Variants in PATJ observed in about 807,000 individuals in gnomAD.
PATJ encodes inaD-like protein.
PATJ carries 190 observed loss-of-function variants against 224.9 expected under a neutral mutation model. That is an observed-to-expected ratio of 0.84 (90% CI 0.75 to 0.95). PATJ has a LOEUF of 0.95. Among genes scored for constraint, PATJ ranks in the 40% least tolerant of loss-of-function variants. The probability of loss-of-function intolerance (pLI) is 0.00; values close to 1 mark genes in which losing one functional copy is unlikely to be tolerated. For missense variants in PATJ, 2,121 were observed against 2,270.3 expected (o/e 0.93, Z 1.34); for synonymous variants, 769 against 820.3 (o/e 0.94, Z 1.07).
chr1:61,796,658 TTTTC>T lies in PATJ; in HGVS notation c.1261-565_1261-562del, dbSNP rs202216894. Among the ~76,000 whole-genome samples the T allele has an allele frequency of 3.4e-3, 355 of 103,442 alleles. 2 individuals are homozygous for T. The highest frequency in any genetic ancestry group is 6.0e-3 in the African/African-American group (185 of 30,928). The allele number at this position is 103,442 out of a possible 152,430, so 67.9% of individuals were successfully genotyped here. A position where few individuals can be genotyped will look rare whatever the true frequency, so the allele number is the denominator to read the frequency against. ...AAATATATCCTAAGGTCTAAATTTA[TTTTC>T]TTTCTTTCTTTCTTTCTTTCTTTCT... On this transcript the variant is annotated intron_variant, in intron 10 of 43. Coordinates refer to ENST00000642238, the MANE Select transcript of PATJ (RefSeq NM_001350145.3).
intron 33 of PATJ, chr1:62,100,210 C>G: frequency 1.8e-6 from 1 of 555,374 alleles, no homozygotes; most frequent in Non-Finnish European, 3.3e-6. Context: ...TTGTGTGTCA[C>G]TATTATTTTA....
At chr1:62,094,870 A>C (rs146167710) in intron 33 of PATJ, among the ~76,000 whole-genome samples, 1 of 152,330 alleles carries the variant, frequency 6.6e-6, no homozygotes, top group East Asian at 1.9e-4. Flanking sequence ...GTAAGGGTCA[A>C]CTGAAGTCTG....
chr1:62,143,958 A>C (rs887610608), intron 41 of PATJ, among the ~76,000 whole-genome samples: 7 of 152,078 alleles, frequency 4.6e-5, no homozygotes, highest in Admixed American at 1.3e-4. Flanking sequence ...TGGGGATGGA[A>C]GCTGGAGTGG....
At chr1:62,041,695 A>G (rs1441357555) in intron 30 of PATJ, among the ~76,000 whole-genome samples, 2 of 152,374 alleles carry the variant, frequency 1.3e-5, no homozygotes, top group East Asian at 3.9e-4. Flanking sequence ...TAAAACAAGC[A>G]GGCTAGTATG....
Position 61,914,637 on chromosome 1 carries a change from C to T in PATJ, c.3543C>T (p.Asn1181=), listed in dbSNP as rs533486947. The part of the protein sequence containing the change: ...NKANKITGNQ[N]QDTQEKKEKR... ...CCAACAAAATCACCGGTAACCAGAA[C>T]CAGGACACCCAAGAAAAGAAAGAAA... Residue 1181 remains asparagine, a synonymous_variant, in exon 26 of 44, where the codon AAC becomes AAT. Coordinates refer to ENST00000642238, the MANE Select transcript of PATJ (RefSeq NM_001350145.3). The T allele has an allele frequency of 2.5e-6, 4 of 1,576,198 alleles. No homozygotes were observed. The highest frequency in any genetic ancestry group is 3.5e-6 in the Non-Finnish European group (4 of 1,146,898).
chr1:62,042,734 A>G (rs541400605), intron 30 of PATJ, among the ~76,000 whole-genome samples: 1 of 152,152 alleles, frequency 6.6e-6, no homozygotes, highest in South Asian at 2.1e-4. Flanking sequence ...ACAGCCTCAA[A>G]CTCCTGGGCT....
intron 41 of PATJ, among the ~76,000 whole-genome samples, chr1:62,136,852 G>A (rs867157201): frequency 6.6e-6 from 1 of 152,240 alleles, no homozygotes; most frequent in Middle Eastern, 3.4e-3. Context: ...TTACAGGCAT[G>A]AGCCGCCACA....
intron 4 of PATJ, 106 bp from the exon 5 acceptor site, chr1:61,769,177 G>T: frequency 9.6e-7 from 1 of 1,044,878 alleles, no homozygotes; most frequent in Non-Finnish European, 1.4e-6. Context: ...AGTTTATGTG[G>T]TTCTTAGGGG....
intron 20 of PATJ, chr1:61,865,610 A>C (rs544168216): frequency 5.9e-5 from 9 of 152,320 alleles, no homozygotes; most frequent in African/African-American, 2.2e-4. Context: ...TTTTTCATAA[A>C]ATTATAGTCA....
At chr1:61,768,494 A>AATAAATAAATAGATAG (rs1180226104) in intron 4 of PATJ, among the ~76,000 whole-genome samples, 2 of 151,888 alleles carry the variant, frequency 1.3e-5, no homozygotes, top group East Asian at 3.9e-4. Context: ...TAAATAAATA[A>AATAAATAAATAGATAG]ATAGATATCA....
intron 1 of PATJ, among the ~76,000 whole-genome samples, chr1:61,760,462 G>A (rs934947791): frequency 6.6e-6 from 1 of 152,238 alleles, no homozygotes; most frequent in African/African-American, 2.4e-5. Flanking sequence ...CACTGAAAAT[G>A]TCTCATTTTG....
At chr1:61,903,685 A>G (rs531257206) in intron 24 of PATJ, among the ~76,000 whole-genome samples, 1 of 151,720 alleles carries the variant, frequency 6.6e-6, no homozygotes, top group African/African-American at 2.4e-5. Context: ...TTTCTTCTGT[A>G]TTCCTATTAG....
In PATJ at chr1:61,814,547, T is replaced by TGTGTGTGCGC. The variant is rs370488022; in HGVS notation, c.1683+6018_1683+6019insTGTGTGCGCG. On this transcript the variant is annotated intron_variant, in intron 14 of 43. Coordinates refer to ENST00000642238, the MANE Select transcript of PATJ (RefSeq NM_001350145.3). The stretch of plus-strand genomic sequence containing the variant: ...GTGTGTGTGTGTGTGTGTGTGTGTG[T>TGTGTGTGCGC]GCGCGCGCGCGCGCATGTATGTGGG... 2.5e-3 allele frequency among the ~76,000 whole-genome samples: 360 copies of TGTGTGTGCGC among 142,552 alleles called. 3 individuals are homozygous for TGTGTGTGCGC. The highest frequency in any genetic ancestry group is 8.5e-3 in the African/African-American group (315 of 37,178). 93.5% of individuals were successfully genotyped at this position (142,552 alleles called of 152,430 possible). A position where few individuals can be genotyped will look rare whatever the true frequency, so the allele number is the denominator to read the frequency against.
chr1:61,945,936 G>A (rs1479324332), intron 27 of PATJ, among the ~76,000 whole-genome samples: 3 of 152,176 alleles, frequency 2.0e-5, no homozygotes, highest in Non-Finnish European at 4.4e-5. Context: ...TCAACTGCAT[G>A]GAAATTGAAC....
Position 61,869,997 on chromosome 1 carries a change from G to A in PATJ, c.2836-5246G>A, listed in dbSNP as rs147323509. On this transcript the variant is annotated intron_variant, in intron 20 of 43. Coordinates refer to ENST00000642238, the MANE Select transcript of PATJ (RefSeq NM_001350145.3). Reference sequence around the variant, plus strand: ...GTGATCTTTTAGCTCTGCCATCTGCGGACGGCTTAAGTGTTAACAGTTCAG... The same window carrying A: ...GTGATCTTTTAGCTCTGCCATCTGCAGACGGCTTAAGTGTTAACAGTTCAG... 7.3e-3 allele frequency among the ~76,000 whole-genome samples: 1,105 copies of A among 152,310 alleles called. 16 individuals carry two copies. The highest frequency in any genetic ancestry group is 0.025 in the African/African-American group (1,037 of 41,564).
intron 22 of PATJ, among the ~76,000 whole-genome samples, chr1:61,898,787 C>G (rs972586108): frequency 6.6e-6 from 1 of 152,092 alleles, no homozygotes; most frequent in African/African-American, 2.4e-5. Flanking sequence ...TCCAGTTCAG[C>G]AGTTCTTTTT....
intron 1 of PATJ, among the ~76,000 whole-genome samples, chr1:61,749,317 T>A (rs575573420): frequency 1.3e-5 from 2 of 152,138 alleles, no homozygotes; most frequent in East Asian, 3.9e-4. Context: ...TGAAGTAATT[T>A]TTATTAACTC....
chr1:61,761,983 C>T (rs541921717), intron 1 of PATJ, among the ~76,000 whole-genome samples: 8 of 152,224 alleles, frequency 5.3e-5, no homozygotes, highest in South Asian at 4.1e-4. Context: ...TCAATGCGCC[C>T]GGCCACTCTG....
chr1:61,867,549 T>TAAAC (rs10645291), intron 20 of PATJ, among the ~76,000 whole-genome samples: 144,054 of 151,358 alleles, frequency 0.95, 68,756 homozygotes, highest in East Asian at 1. Context: ...GAAGTTTACT[T>TAAAC]ATTCATATTT....
Sources: gnomAD v4.1 joint callset for allele counts (sites outside exome capture counted in the v4.1 genomes callset) on GRCh38, gnomAD v4.1.1 for gene constraint, MANE v1.5 for transcripts, NCBI Gene and HGNC (gene_info 2026-07-23, HGNC 2026-07-21) for gene names.